Variants in ZNF813 observed in about 807,000 individuals in gnomAD.
The protein encoded by ZNF813 is zinc finger protein 813.
In ZNF813, 3 loss-of-function variants were observed where a neutral mutation model predicts 7.2. The ratio of observed to expected loss-of-function variants is 0.42; its 90% CI spans 0.19 to 1.08. ZNF813 has a LOEUF of 1.08. ZNF813 is among the 50% of genes least tolerant of loss of function. The probability of loss-of-function intolerance (pLI) is 0.30; values close to 1 mark genes in which losing one functional copy is unlikely to be tolerated. For missense variants in ZNF813, 714 were observed against 753.3 expected, an observed-to-expected ratio of 0.95 and a Z score of 0.61; for synonymous variants, 227 against 256.3, an observed-to-expected ratio of 0.89 and a Z score of 1.09.
rs566650140 is a variant in ZNF813 at position 53,478,265 on chromosome 19, G to A, written c.-73-5485G>A. Among the ~76,000 whole-genome samples the A allele has an allele frequency of 4.5e-4, 69 of 152,132 alleles. 1 individual carries two copies. Among genetic ancestry groups the A allele is most frequent in the Non-Finnish European group, 1.3e-4 (9 of 68,008 alleles). On this transcript the variant is annotated intron_variant, in intron 1 of 3. Coordinates refer to ENST00000396403, the MANE Select transcript of ZNF813 (RefSeq NM_001004301.4). The stretch of plus-strand genomic sequence containing the variant: ...TCTAACTGCAGCCTCGACCTCCTGG[G>A]CTTAAGCGATCCTCCTACCTCAGCT...
rs542878916 is a variant in ZNF813 at position 53,493,514 on chromosome 19, C to G, written c.*1428C>G. The stretch of plus-strand genomic sequence containing the variant: ...TTGTTTATTGTTACAAACTTCTCAT[C>G]TTTTTGCTTTTATTCCTAAGTATTT... On this transcript the variant is annotated 3_prime_UTR_variant, in exon 4 of 4. Coordinates refer to ENST00000396403, the MANE Select transcript of ZNF813 (RefSeq NM_001004301.4). 10 of 151,450 alleles carry G rather than the reference C, an allele frequency of 6.6e-5. No individual in the cohort carries two copies. The highest frequency in any genetic ancestry group is 2.5e-4 in the African/African-American group (10 of 40,636). 9.4% of individuals were successfully genotyped at this position (151,450 alleles called of 1,614,324 possible).
Position 53,492,764 on chromosome 19 carries a change from G to T in ZNF813, c.*678G>T. 1 of 611,866 alleles carries T rather than the reference G, an allele frequency of 1.6e-6. No homozygotes were observed. Among genetic ancestry groups the T allele is most frequent in the Admixed American group, 2.1e-5 (1 of 46,846 alleles). The allele number at this position is 611,866 out of a possible 1,614,324, so 37.9% of individuals were successfully genotyped here. A position where few individuals can be genotyped will look rare whatever the true frequency, so the allele number is the denominator to read the frequency against. Reference sequence around the variant, plus strand: ...CATCGTCCATACCTTGCAGTTCATTGGCGAACTCATACTGGAGACAAACCT... The same window carrying T: ...CATCGTCCATACCTTGCAGTTCATTTGCGAACTCATACTGGAGACAAACCT... On this transcript the variant is annotated 3_prime_UTR_variant, in exon 4 of 4. Transcript: ENST00000396403.
chr19:53,468,025 G>A (rs1015268059), intron 1 of ZNF813, among the ~76,000 whole-genome samples: 13 of 152,176 alleles, frequency 8.5e-5, no homozygotes, highest in South Asian at 2.1e-4. Context: ...ACTTTCTATC[G>A]CGCATTTTTC....
chr19:53,474,402 T>A (rs1474470586), intron 1 of ZNF813, among the ~76,000 whole-genome samples: 1 of 152,098 alleles, frequency 6.6e-6, no homozygotes, highest in African/African-American at 2.4e-5. Context: ...AAATGGCACT[T>A]TCGTGGCCGG....
intron 1 of ZNF813, among the ~76,000 whole-genome samples, chr19:53,476,456 C>T (rs2086382213): frequency 1.3e-5 from 2 of 151,920 alleles, no homozygotes; most frequent in African/African-American, 2.4e-5. Flanking sequence ...TGGTGAAACC[C>T]GGTCTCTACT....
In ZNF813 at chr19:53,474,660, G is replaced by A. The variant is rs143835021; in HGVS notation, c.-74+6871G>A. 5.0e-3 allele frequency among the ~76,000 whole-genome samples: 763 copies of A among 151,994 alleles called. 10 individuals carry two copies. The highest frequency in any genetic ancestry group is 0.018 in the African/African-American group (744 of 41,410). ...GCCAAGATTGCACCACTGCACTCCAGCCTGGGTGACAGAGCGAGACTCAAT... is the reference window on the plus strand; with the variant it reads ...GCCAAGATTGCACCACTGCACTCCAACCTGGGTGACAGAGCGAGACTCAAT... On this transcript the variant is annotated intron_variant, in intron 1 of 3. Coordinates refer to ENST00000396403, the MANE Select transcript of ZNF813 (RefSeq NM_001004301.4).
chr19:53,483,690 G>T (rs1352373971), intron 1 of ZNF813, 60 bp from the exon 2 acceptor site: 113 of 1,505,802 alleles, frequency 7.5e-5, no homozygotes, highest in Non-Finnish European at 9.9e-5. Flanking sequence ...ATGTGTTGTT[G>T]TGTTACAGGG....
intron 1 of ZNF813, among the ~76,000 whole-genome samples, chr19:53,480,456 A>G (rs2086403065): frequency 6.6e-6 from 1 of 150,990 alleles, no homozygotes; most frequent in Non-Finnish European, 1.5e-5. Flanking sequence ...TACATTTCCC[A>G]GTTATTTACC....
chr19:53,483,219 TA>T (rs2086417762), intron 1 of ZNF813, among the ~76,000 whole-genome samples: 1 of 151,988 alleles, frequency 6.6e-6, no homozygotes, highest in Non-Finnish European at 1.5e-5. Flanking sequence ...TCAATTTTTG[TA>T]TTTTTAGTAG....
In ZNF813 at chr19:53,491,768, T is replaced by C. The variant is rs367613791; in HGVS notation, c.1536T>C (p.Cys512=). The change falls in exon 4 of 4, where the codon TGT becomes TGC. Residue 512 remains cysteine (C), a synonymous_variant. Transcript: ENST00000396403. ...TTAATCGGAAAACACACCTTGCATG[T>C]CATCATAGACTTCATACTGGAGAGA... ...KGFNRKTHLA[C]HHRLHTGEKP... 6 of 1,572,188 alleles carry C rather than the reference T, an allele frequency of 3.8e-6. No individual in the cohort carries two copies. The highest frequency in any genetic ancestry group is 1.4e-5 in the African/African-American group (1 of 73,862).
intron 3 of ZNF813, among the ~76,000 whole-genome samples, chr19:53,489,988 G>C (rs1197693278): frequency 2.0e-5 from 3 of 152,156 alleles, no homozygotes; most frequent in African/African-American, 7.2e-5. Context: ...TATATCATGT[G>C]GTCCTTTAGC....
At chr19:53,471,846 G>A (rs553588943) in intron 1 of ZNF813, among the ~76,000 whole-genome samples, 8 of 144,128 alleles carry the variant, frequency 5.6e-5, no homozygotes, top group East Asian at 1.9e-4. Context: ...GCATCGGTTC[G>A]GGGGAAGAGT....
Position 53,486,686 on chromosome 19 carries a change from T to C in ZNF813, c.70T>C (p.Cys24Arg). ...AIEFSQEEWK[C>R]LDPAQRTLYR... ...AGAATTCTCTCAGGAGGAGTGGAAA[T>C]GCCTGGACCCTGCTCAGAGGACTCT... Residue 24 changes from cysteine to arginine, a missense_variant, in exon 3 of 4, where the codon TGC becomes CGC. Cys to Arg is a radical substitution (Grantham distance 180, BLOSUM62 -3). Transcript: ENST00000396403. 6.2e-7 allele frequency: 1 copy of C among 1,614,118 alleles called. No individual in the cohort carries two copies. Among genetic ancestry groups the C allele is most frequent in the Non-Finnish European group, 8.5e-7 (1 of 1,179,968 alleles).
rs1349168113 is a variant in ZNF813, at chr19:53,493,117, A to G, written c.*1031A>G. The G allele has an allele frequency of 6.2e-6, 2 of 321,416 alleles. No homozygotes were observed. The highest frequency in any genetic ancestry group is 1.2e-5 in the Non-Finnish European group (2 of 163,832). The allele number at this position is 321,416 out of a possible 1,614,324, so 19.9% of individuals were successfully genotyped here. On this transcript the variant is annotated 3_prime_UTR_variant, in exon 4 of 4. Transcript: ENST00000396403. ...TTATGTTAAGAGGATTGGGCCAGGTACAGTGTCTCACACCTGTAATCCCAG... is the reference window on the plus strand; with the variant it reads ...TTATGTTAAGAGGATTGGGCCAGGTGCAGTGTCTCACACCTGTAATCCCAG...
In ZNF813 at chr19:53,491,405, C is replaced by G. The variant is rs573472368; in HGVS notation, c.1173C>G (p.Thr391=). ...ATAAGTGTAATGAATGTGGCAAGACCTTCAGTCAGGAGTTAACCCTTAAAT... is the reference window on the plus strand; with the variant it reads ...ATAAGTGTAATGAATGTGGCAAGACGTTCAGTCAGGAGTTAACCCTTAAAT... ...KPYKCNECGK[T]FSQELTLKCH... Residue 391 remains threonine, a synonymous_variant, in exon 4 of 4, where the codon ACC becomes ACG. Transcript: ENST00000396403. 2.5e-6 allele frequency: 4 copies of G among 1,612,722 alleles called. No homozygotes were observed. Among genetic ancestry groups the G allele is most frequent in the African/African-American group, 2.7e-5 (2 of 74,578 alleles).
chr19:53,468,255 C>T (rs1956006285), intron 1 of ZNF813, among the ~76,000 whole-genome samples: 1 of 150,548 alleles, frequency 6.6e-6, no homozygotes, highest in Non-Finnish European at 1.5e-5. Flanking sequence ...CTGCCGGGCC[C>T]TGCTGCTTCC....
chr19:53,485,594 G>A (rs1280862755), intron 2 of ZNF813, among the ~76,000 whole-genome samples: 2 of 149,718 alleles, frequency 1.3e-5, no homozygotes, highest in Non-Finnish European at 3.0e-5. Flanking sequence ...ACATATGTAT[G>A]TCATGATATA....
Position 53,492,294 on chromosome 19 carries a change from A to G in ZNF813, c.*208A>G. On this transcript the variant is annotated 3_prime_UTR_variant, in exon 4 of 4. Transcript: ENST00000396403. The stretch of plus-strand genomic sequence containing the variant: ...ACTTCATAGTGGAGAGAAACCTTAG[A>G]AATGTGAAGCATGTGACAAAGTTTA... 1.2e-6 allele frequency: 1 copy of G among 805,942 alleles called. No homozygotes were observed. Among genetic ancestry groups the G allele is most frequent in the East Asian group, 2.5e-5 (1 of 39,606 alleles). The allele number at this position is 805,942 out of a possible 1,614,324, so 49.9% of individuals were successfully genotyped here.
Position 53,492,975 on chromosome 19 carries a change from G to T in ZNF813, c.*889G>T. 2.2e-6 allele frequency: 1 copy of T among 459,988 alleles called. No homozygotes were observed. The allele number at this position is 459,988 out of a possible 1,614,324, so 28.5% of individuals were successfully genotyped here. ...AAATCTTACAAATGTCATCAGTGTG[G>T]CAAGGTTTTCAGTCTGACTTCACTC... is the stretch of plus-strand genomic sequence containing the variant. On this transcript the variant is annotated 3_prime_UTR_variant, in exon 4 of 4. Transcript: ENST00000396403.
Sources: gnomAD v4.1 joint callset for allele counts (sites outside exome capture counted in the v4.1 genomes callset) on GRCh38, gnomAD v4.1.1 for gene constraint, MANE v1.5 for transcripts, NCBI Gene and HGNC (gene_info 2026-07-23, HGNC 2026-07-21) for gene names.